MTMR14: variants seen among roughly 807,000 people sequenced by gnomAD.
MTMR14 encodes the protein myotubularin related protein 14, also known as phosphatidylinositol-3,5-bisphosphate 3-phosphatase MTMR14.
In MTMR14, 48 loss-of-function variants were observed where a neutral mutation model predicts 86.3. The ratio of observed to expected loss-of-function variants is 0.56; its 90% CI spans 0.44 to 0.71. The LOEUF is 0.71. MTMR14 is among the 30% of genes least tolerant of loss of function. The pLI is 0.00. For synonymous variants in MTMR14, 366 were observed against 326.1 expected, an observed-to-expected ratio of 1.12 and a Z score of -1.32; for missense variants, 780 against 834.6, an observed-to-expected ratio of 0.93 and a Z score of 0.81.
intron 11 of MTMR14, 31 bp downstream of exon 11, chr3:9,684,701 G>C (rs759931090): frequency 1.6e-5 from 25 of 1,611,390 alleles, no homozygotes; most frequent in Non-Finnish European, 2.1e-5. Flanking sequence ...ACCAAGCTCT[G>C]CTCTTTGGGT....
chr3:9,671,692 A>T (rs1197790024), intron 6 of MTMR14, among the ~76,000 whole-genome samples: 1 of 152,184 alleles, frequency 6.6e-6, no homozygotes, highest in African/African-American at 2.4e-5. Flanking sequence ...ATCAGCATAT[A>T]TTCAAATTTT....
At chr3:9,672,588 C>A in intron 6 of MTMR14, 97 bp from the exon 7 acceptor site, 1 of 1,080,698 alleles carries the variant, frequency 9.3e-7, no homozygotes, top group Non-Finnish European at 1.4e-6. Context: ...TTTTTTTTAG[C>A]AGAAGCTTCA....
chr3:9,677,223 T>A lies in MTMR14; in HGVS notation c.752-94T>A. 1 of 1,131,640 alleles carries A rather than the reference T, an allele frequency of 8.8e-7. No individual in the cohort carries two copies. The highest frequency in any genetic ancestry group is 1.3e-6 in the Non-Finnish European group (1 of 752,784). 70.1% of individuals were successfully genotyped at this position (1,131,640 alleles called of 1,614,324 possible). A position where few individuals can be genotyped will look rare whatever the true frequency, so the allele number is the denominator to read the frequency against. On this transcript the variant is annotated intron_variant, in intron 7 of 18. Transcript: ENST00000296003. This position sits in a 1 kb window ranked among gnomAD's most constrained non-coding sequence, Gnocchi z 4.2. ...AGAAGTGTGAGTTGGCGGCCCCCTC[T>A]CCACAGCACTCAGGGACCTGGGTCT... is the stretch of plus-strand genomic sequence containing the variant.
intron 17 of MTMR14, among the ~76,000 whole-genome samples, chr3:9,697,262 C>T (rs2076308572): frequency 6.6e-6 from 1 of 152,160 alleles, no homozygotes; most frequent in Non-Finnish European, 1.5e-5. Flanking sequence ...TGATGGGACT[C>T]CTGGGTTCTG....
At chr3:9,680,622 G>A (rs2075730871) in intron 9 of MTMR14, among the ~76,000 whole-genome samples, 1 of 152,210 alleles carries the variant, frequency 6.6e-6, no homozygotes, top group Admixed American at 6.5e-5. Context: ...AAGGCGGGCA[G>A]ATCACGAGGG....
rs9878599 is a variant in MTMR14 at position 9,697,495 on chromosome 3, T to C, written c.1614-216T>C. Among the ~76,000 whole-genome samples the C allele has an allele frequency of 7.9e-3, 1,210 of 152,350 alleles. 16 individuals are homozygous for C. Among genetic ancestry groups the C allele is most frequent in the African/African-American group, 0.027 (1,122 of 41,574 alleles). On this transcript the variant is annotated intron_variant, in intron 17 of 18. Transcript: ENST00000296003. ...TCATTTTTTGCTTCCACAGTAAGTC[T>C]GCACAAAATACTGTCCTCACAGCTG...
chr3:9,672,876 C>T, intron 7 of MTMR14, 118 bp downstream of exon 7: 1 of 936,526 alleles, frequency 1.1e-6, no homozygotes, highest in Non-Finnish European at 1.8e-6. Flanking sequence ...GGGTTTGTGT[C>T]AGGCAGTGTA....
intron 9 of MTMR14, among the ~76,000 whole-genome samples, chr3:9,680,967 GC>G (rs1483759272): frequency 6.6e-6 from 1 of 152,222 alleles, no homozygotes; most frequent in East Asian, 1.9e-4. Context: ...CCTCTGAGAA[GC>G]CTTCTCTGAT....
rs1432569616 is a variant in MTMR14 at position 9,701,041 on chromosome 3, A to T, written c.1770-749A>T. 2.6e-5 allele frequency: 4 copies of T among 151,604 alleles called. No homozygotes were observed. Among genetic ancestry groups the T allele is most frequent in the African/African-American group, 9.7e-5 (4 of 41,266 alleles). 9.4% of individuals were successfully genotyped at this position (151,604 alleles called of 1,614,324 possible). On this transcript the variant is annotated intron_variant, in intron 18 of 18. Coordinates refer to ENST00000296003, the MANE Select transcript of MTMR14 (RefSeq NM_001077525.3). The surrounding 1 kb of genome is among the most constrained non-coding windows in gnomAD (Gnocchi z 4.2). ...GCCATGTTGGCCAAGCTAGTCTCGAACTCCTGACCTGCCTCGGCCTCCCAA... is the reference window on the plus strand; with the variant it reads ...GCCATGTTGGCCAAGCTAGTCTCGATCTCCTGACCTGCCTCGGCCTCCCAA...
Position 9,684,876 on chromosome 3 carries a change from G to T in MTMR14, c.1051-12G>T, listed in dbSNP as rs1396329116. ...AAGAGGGCTCTGTCACATCTCCTGT[G>T]GTCTCTTCCAGGATGGGCTCATCCA... On this transcript the variant is annotated splice_polypyrimidine_tract_variant and intron_variant, in intron 11 of 18. Transcript: ENST00000296003. The T allele has an allele frequency of 6.2e-7, 1 of 1,613,554 alleles. No individual in the cohort carries two copies. Among genetic ancestry groups the T allele is most frequent in the East Asian group, 2.2e-5 (1 of 44,900 alleles).
chr3:9,658,928 G>A (rs573612133), intron 2 of MTMR14, among the ~76,000 whole-genome samples: 2 of 152,290 alleles, frequency 1.3e-5, no homozygotes, highest in African/African-American at 2.4e-5. Flanking sequence ...GGTGGCTCAC[G>A]CCTATAATCC....
intron 3 of MTMR14, among the ~76,000 whole-genome samples, chr3:9,666,897 G>T (rs1280605146): frequency 6.6e-6 from 1 of 152,166 alleles, no homozygotes; most frequent in African/African-American, 2.4e-5. Flanking sequence ...GAACCATGAG[G>T]CAAAGGAACA....
At chr3:9,687,672 C>T in intron 13 of MTMR14, 149 bp from the exon 14 acceptor site, 1 of 705,822 alleles carries the variant, frequency 1.4e-6, no homozygotes, top group Non-Finnish European at 2.5e-6. Context: ...CTGTACCACC[C>T]ACACCATTTA....
chr3:9,669,963 G>C (rs973058167), intron 5 of MTMR14, among the ~76,000 whole-genome samples: 3 of 152,214 alleles, frequency 2.0e-5, no homozygotes, highest in African/African-American at 7.2e-5. Context: ...ATGTGTCACA[G>C]CTGCATGATT....
At chr3:9,696,327 A>C (rs933536028) in intron 17 of MTMR14, among the ~76,000 whole-genome samples, 8 of 152,152 alleles carry the variant, frequency 5.3e-5, no homozygotes. Flanking sequence ...GTGAAACCCT[A>C]TCTCTACTAA....
chr3:9,655,693 C>T (rs1459749584), intron 2 of MTMR14, among the ~76,000 whole-genome samples: 1 of 151,170 alleles, frequency 6.6e-6, no homozygotes. Flanking sequence ...GAACCCCTGA[C>T]CTCATGATCC....
intron 13 of MTMR14, among the ~76,000 whole-genome samples, chr3:9,685,682 A>T (rs2075920701): frequency 6.6e-6 from 1 of 151,874 alleles, no homozygotes; most frequent in Non-Finnish European, 1.5e-5. Flanking sequence ...GCCCGGCAGC[A>T]GGGTCCTGCC....
chr3:9,691,253 C>T (rs539311290), intron 17 of MTMR14, among the ~76,000 whole-genome samples: 8 of 152,282 alleles, frequency 5.3e-5, no homozygotes, highest in African/African-American at 1.7e-4. Context: ...GTGAAACCAC[C>T]GCCACACGCC....
chr3:9,697,987 C>G lies in MTMR14; in HGVS notation c.1769+121C>G, dbSNP rs1286576301. 4.3e-6 allele frequency: 6 copies of G among 1,392,396 alleles called. No individual in the cohort carries two copies. In the African/African-American group the frequency reaches 8.5e-5, roughly 20 times the overall value. 86.3% of individuals were successfully genotyped at this position (1,392,396 alleles called of 1,614,324 possible). A position where few individuals can be genotyped will look rare whatever the true frequency, so the allele number is the denominator to read the frequency against. On this transcript the variant is annotated intron_variant, in intron 18 of 18. Transcript: ENST00000296003. ...AGGAGCTGGCCTGGCCTCCTGCCCT[C>G]CCCTCTCTCAGCTGCTGGACCCGAG...
Sources: gnomAD v4.1 joint callset for allele counts (sites outside exome capture counted in the v4.1 genomes callset) on GRCh38, gnomAD v4.1.1 for gene constraint, Gnocchi (gnomAD v3.1) non-coding constraint, MANE v1.5 for transcripts, NCBI Gene and HGNC (gene_info 2026-07-23, HGNC 2026-07-21) for gene names.